LRRC4C: variants seen among roughly 807,000 people sequenced by gnomAD.
The protein encoded by LRRC4C is leucine rich repeat containing 4C.
Under a neutral mutation model 33.6 loss-of-function variants are expected in LRRC4C, and 5 were observed. That is an observed-to-expected ratio of 0.15 (90% CI 0.08 to 0.31). The LOEUF (loss-of-function observed/expected upper bound fraction) is 0.31. Among genes scored for constraint, LRRC4C ranks in the 10% least tolerant of loss-of-function variants. The pLI is 1.00. For synonymous variants in LRRC4C, 329 were observed against 302.0 expected, an observed-to-expected ratio of 1.09 and a Z score of -0.93; for missense variants, 560 against 796.7, an observed-to-expected ratio of 0.70 and a Z score of 3.58.
chr11:40,795,533 A>T lies in LRRC4C; in HGVS notation c.-407+138102T>A, dbSNP rs555049589. Among the ~76,000 whole-genome samples, 1,409 of 152,192 alleles carry T rather than the reference A, an allele frequency of 9.3e-3. 30 individuals carry two copies. Among genetic ancestry groups the T allele is most frequent in the African/African-American group, 0.032 (1,339 of 41,540 alleles). On this transcript the variant is annotated intron_variant, in intron 2 of 6. Transcript: ENST00000528697. Reference sequence around the variant, plus strand: ...CGACAGAGCGAGACTCCGTCTCAAAATAAATAAATAAATAAAATAAAATAA... The same window carrying T: ...CGACAGAGCGAGACTCCGTCTCAAATTAAATAAATAAATAAAATAAAATAA...
intron 1 of LRRC4C, among the ~76,000 whole-genome samples, chr11:41,259,137 T>G (rs970906610): frequency 6.6e-6 from 1 of 151,786 alleles, no homozygotes; most frequent in Non-Finnish European, 1.5e-5. Context: ...GCAGTGAGAG[T>G]TTATTTGAAA....
chr11:40,925,612 A>G (rs1202238282), intron 2 of LRRC4C, among the ~76,000 whole-genome samples: 2 of 152,216 alleles, frequency 1.3e-5, no homozygotes, highest in South Asian at 4.1e-4. Flanking sequence ...TAGATAACAA[A>G]AGGAAAGTTA....
chr11:40,480,366 AAAAT>A (rs987862661), intron 3 of LRRC4C, among the ~76,000 whole-genome samples: 1 of 151,402 alleles, frequency 6.6e-6, no homozygotes, highest in Non-Finnish European at 1.5e-5. Flanking sequence ...AATAAAAATA[AAAAT>A]AAATAAATAA....
chr11:41,316,286 A>AAAAAAC (rs1565575470), intron 1 of LRRC4C, among the ~76,000 whole-genome samples: 1 of 151,378 alleles, frequency 6.6e-6, no homozygotes, highest in African/African-American at 2.4e-5. Context: ...AAAACAAAAA[A>AAAAAAC]AAACAAACAT....
At chr11:40,466,020 G>C (rs565078220) in intron 3 of LRRC4C, among the ~76,000 whole-genome samples, 2 of 151,922 alleles carry the variant, frequency 1.3e-5, no homozygotes, top group African/African-American at 2.4e-5. Flanking sequence ...ATCAACCTAA[G>C]TGTCCATCAA....
At chr11:40,804,649 T>C (rs747242901) in intron 2 of LRRC4C, among the ~76,000 whole-genome samples, 5 of 152,190 alleles carry the variant, frequency 3.3e-5, no homozygotes, top group Non-Finnish European at 7.3e-5. Context: ...CTAGTCTAAT[T>C]TGCAGTTGGA....
chr11:40,344,486 C>T (rs1947028957), intron 3 of LRRC4C, among the ~76,000 whole-genome samples: 1 of 152,048 alleles, frequency 6.6e-6, no homozygotes, highest in Non-Finnish European at 1.5e-5. Context: ...ACAAACTAGG[C>T]ATTAAAAGAA....
intron 2 of LRRC4C, among the ~76,000 whole-genome samples, chr11:40,674,363 C>A (rs1473350225): frequency 6.6e-6 from 1 of 152,184 alleles, no homozygotes; most frequent in Non-Finnish European, 1.5e-5. Context: ...TCACTTTTAG[C>A]CTTTCCTGCT....
At chr11:40,116,419 A>G (rs1292511011) in intron 6 of LRRC4C, 85 bp from the exon 7 acceptor site, 5 of 1,366,904 alleles carry the variant, frequency 3.7e-6, no homozygotes, top group Admixed American at 5.0e-5. Context: ...GATATAGTGT[A>G]TCAGCTAAAG....
intron 2 of LRRC4C, among the ~76,000 whole-genome samples, chr11:40,659,587 T>A (rs534804032): frequency 6.6e-6 from 1 of 152,260 alleles, no homozygotes; most frequent in African/African-American, 2.4e-5. Flanking sequence ...ACAGAGATGT[T>A]GAGACTACCA....
chr11:41,271,864 G>A (rs906526261), intron 1 of LRRC4C, among the ~76,000 whole-genome samples: 1 of 152,084 alleles, frequency 6.6e-6, no homozygotes, highest in African/African-American at 2.4e-5. Flanking sequence ...AGGAATGAAT[G>A]CTAATTGTTA....
At chr11:40,141,219 T>G (rs1376120232) in intron 5 of LRRC4C, among the ~76,000 whole-genome samples, 2 of 152,190 alleles carry the variant, frequency 1.3e-5, no homozygotes, top group Non-Finnish European at 2.9e-5. Flanking sequence ...AGGAAAGGGT[T>G]AAATAGAAAA....
At position 41,259,676 on chromosome 11, in the gene LRRC4C, A is replaced by C. The variant is rs376125542; in HGVS notation, c.-496+199755T>G. Among the ~76,000 whole-genome samples, 18 of 152,140 alleles carry C rather than the reference A, an allele frequency of 1.2e-4. No individual in the cohort carries two copies. In the East Asian group the frequency reaches 2.3e-3, roughly 20 times the overall value. ...TATGAAGTATGGCCTGTTGTAAGTT[A>C]GCAGAACATTCTCAGGCCAGTCAAA... On this transcript the variant is annotated intron_variant, in intron 1 of 6. Transcript: ENST00000528697.
At chr11:41,287,177 T>C (rs1016386920) in intron 1 of LRRC4C, among the ~76,000 whole-genome samples, 1 of 152,200 alleles carries the variant, frequency 6.6e-6, no homozygotes, top group African/African-American at 2.4e-5. Flanking sequence ...TTCTGGTAAG[T>C]GTACTGAAAA....
intron 2 of LRRC4C, among the ~76,000 whole-genome samples, chr11:40,864,340 A>G (rs1225863834): frequency 6.6e-6 from 1 of 152,128 alleles, no homozygotes. Flanking sequence ...AAGTGCTGAG[A>G]TTGCAGGTGT....
chr11:41,072,891 A>T (rs1052298470), intron 1 of LRRC4C, among the ~76,000 whole-genome samples: 1 of 152,168 alleles, frequency 6.6e-6, no homozygotes, highest in African/African-American at 2.4e-5. Context: ...TTAACTACAA[A>T]ATCAAATATT....
chr11:40,163,165 C>T (rs1418977753), intron 5 of LRRC4C, among the ~76,000 whole-genome samples: 1 of 152,184 alleles, frequency 6.6e-6, no homozygotes, highest in Non-Finnish European at 1.5e-5. Flanking sequence ...CACAGTGCAT[C>T]CTATCCATAC....
At chr11:40,795,919 T>C (rs1183056201) in intron 2 of LRRC4C, among the ~76,000 whole-genome samples, 2 of 152,176 alleles carry the variant, frequency 1.3e-5, no homozygotes, top group Non-Finnish European at 2.9e-5. Context: ...CATAAAATAG[T>C]TGTAAACTGC....
At chr11:41,232,755 C>G (rs1435659678) in intron 1 of LRRC4C, among the ~76,000 whole-genome samples, 1 of 139,166 alleles carries the variant, frequency 7.2e-6, no homozygotes, top group Non-Finnish European at 1.6e-5. Flanking sequence ...AAGACACACA[C>G]ACACACACAC....
Sources: gnomAD v4.1 joint callset for allele counts (sites outside exome capture counted in the v4.1 genomes callset) on GRCh38, gnomAD v4.1.1 for gene constraint, MANE v1.5 for transcripts, NCBI Gene and HGNC (gene_info 2026-07-23, HGNC 2026-07-21) for gene names.